Variants in IL1RAPL1 observed in about 807,000 individuals in gnomAD.
The protein encoded by IL1RAPL1 is interleukin 1 receptor accessory protein like 1, also known as interleukin-1 receptor accessory protein-like 1.
IL1RAPL1 carries 3 observed loss-of-function variants against 48.4 expected under a neutral mutation model. That is an observed-to-expected ratio of 0.06 (90% CI 0.03 to 0.16). The LOEUF is 0.16. Ranked by LOEUF, IL1RAPL1 falls within the 10% of genes least tolerant of loss-of-function variation. The pLI is 1.00. For synonymous variants in IL1RAPL1, 185 were observed against 187.7 expected (o/e 0.99, Z 0.12); for missense variants, 349 against 530.6 (o/e 0.66, Z 3.36).
chrX:29,562,700 G>A (rs928822125), intron 5 of IL1RAPL1, among the ~76,000 whole-genome samples: 52 of 111,870 alleles, frequency 4.6e-4, no homozygotes, highest in African/African-American at 1.4e-3. Flanking sequence ...GCAAATTAGA[G>A]AGTTAAATTG....
At position 29,816,531 on chromosome X, in the gene IL1RAPL1, C is replaced by CA. The variant is rs1279566795; in HGVS notation, c.779-100922dup. ...GCTACCATTTCTACTGAAACTATTCCAAAAAAAAAAATTGAGGAGTAGGGA... is the reference window on the plus strand; with the variant it reads ...GCTACCATTTCTACTGAAACTATTCCAAAAAAAAAAAATTGAGGAGTAGGGA... On this transcript the variant is annotated intron_variant, in intron 6 of 10. Coordinates refer to ENST00000378993, the MANE Select transcript of IL1RAPL1 (RefSeq NM_014271.4). Among the ~76,000 whole-genome samples the CA allele has an allele frequency of 2.0e-3, 202 of 103,155 alleles. 2 individuals are homozygous for CA. Among genetic ancestry groups the CA allele is most frequent in the Non-Finnish European group, 3.0e-3 (149 of 49,903 alleles). 89.6% of individuals were successfully genotyped at this position (103,155 alleles called of 115,157 possible).
chrX:29,754,915 C>G (rs1928575912), intron 6 of IL1RAPL1, among the ~76,000 whole-genome samples: 1 of 112,590 alleles, frequency 8.9e-6, no homozygotes, highest in Non-Finnish European at 1.9e-5. Flanking sequence ...CATGCTGGGT[C>G]CTTTGCTTCA....
chrX:29,117,481 G>A (rs1348284479), intron 2 of IL1RAPL1, among the ~76,000 whole-genome samples: 2 of 112,339 alleles, frequency 1.8e-5, no homozygotes, highest in East Asian at 5.6e-4. Flanking sequence ...GAATTCTACA[G>A]ATAAAGCACA....
chrX:28,781,737 A>T (rs760413868), intron 1 of IL1RAPL1, among the ~76,000 whole-genome samples: 2 of 110,962 alleles, frequency 1.8e-5, no homozygotes, highest in Non-Finnish European at 3.8e-5. Flanking sequence ...AATTTTTACC[A>T]CTTACAGATG....
Position 29,668,455 on chromosome X carries a change from G to A in IL1RAPL1, c.729G>A (p.Lys243=). The A allele has an allele frequency of 5.8e-6, 7 of 1,209,751 alleles. No individual in the cohort carries two copies. The highest frequency in any genetic ancestry group is 6.7e-6 in the Non-Finnish European group (6 of 893,743). The change falls in exon 6 of 11, where the codon AAG becomes AAA. Residue 243 remains lysine (K), a synonymous_variant. Transcript: ENST00000378993. ...CCCCTCTGACTGATAAGCCACCCAAGCTTTTGTATCCTATGGAAAGTAAAC... is the reference window on the plus strand; with the variant it reads ...CCCCTCTGACTGATAAGCCACCCAAACTTTTGTATCCTATGGAAAGTAAAC... The part of the protein sequence containing the change: ...VTAPLTDKPP[K]LLYPMESKLT...
chrX:29,295,204 A>C (rs1932431705), intron 3 of IL1RAPL1, among the ~76,000 whole-genome samples: 1 of 112,045 alleles, frequency 8.9e-6, no homozygotes, highest in Admixed American at 9.4e-5. Flanking sequence ...ATGGGAAATA[A>C]GTAAAAGAGA....
chrX:29,451,655 C>CAT (rs773487169), intron 5 of IL1RAPL1, among the ~76,000 whole-genome samples: 4 of 111,114 alleles, frequency 3.6e-5, no homozygotes, highest in African/African-American at 1.3e-4. Context: ...CATGTATATG[C>CAT]ATATATATAT....
chrX:28,754,365 C>G (rs989171839), intron 1 of IL1RAPL1, among the ~76,000 whole-genome samples: 3 of 112,442 alleles, frequency 2.7e-5, no homozygotes, highest in African/African-American at 9.7e-5. Flanking sequence ...TTTTAACTTG[C>G]TCCTTTACCA....
At chrX:29,268,610 C>A (rs752696171) in intron 2 of IL1RAPL1, among the ~76,000 whole-genome samples, 1 of 112,227 alleles carries the variant, frequency 8.9e-6, no homozygotes, top group Non-Finnish European at 1.9e-5. Flanking sequence ...TTGAAAATAT[C>A]TATGAATACT....
In IL1RAPL1 at chrX:29,023,911, T is replaced by C. The variant is rs111825263; in HGVS notation, c.82+234486T>C. Among the ~76,000 whole-genome samples the C allele has an allele frequency of 5.2e-3, 588 of 112,002 alleles. 3 individuals are homozygous for C. The highest frequency in any genetic ancestry group is 0.018 in the African/African-American group (567 of 30,891). On this transcript the variant is annotated intron_variant, in intron 2 of 10. Coordinates refer to ENST00000378993, the MANE Select transcript of IL1RAPL1 (RefSeq NM_014271.4). ...GGCAATATACCTTGTTTATCTAGCA[T>C]AGTTACCCTCAATGAATTAGCAAAT...
Position 29,195,177 on chromosome X carries a change from A to G in IL1RAPL1, c.83-87761A>G, listed in dbSNP as rs778618280. ...CACAGATATTTACTGAGTACTCTGTATGTACATGGTTTCTAGGTGCTGGGG... is the reference window on the plus strand; with the variant it reads ...CACAGATATTTACTGAGTACTCTGTGTGTACATGGTTTCTAGGTGCTGGGG... On this transcript the variant is annotated intron_variant, in intron 2 of 10. Transcript: ENST00000378993. 2.7e-5 allele frequency among the ~76,000 whole-genome samples: 3 copies of G among 112,111 alleles called. No individual in the cohort carries two copies. The South Asian group carries it at 1.1e-3, about 41-fold the overall frequency.
intron 6 of IL1RAPL1, among the ~76,000 whole-genome samples, chrX:29,803,293 A>G (rs1306965134): frequency 2.8e-5 from 1 of 35,355 alleles, no homozygotes; most frequent in African/African-American, 1.2e-4. Flanking sequence ...ACATGTATAT[A>G]TGTATACATA....
intron 6 of IL1RAPL1, among the ~76,000 whole-genome samples, chrX:29,685,330 CCA>C (rs1926584348): frequency 9.1e-6 from 1 of 110,155 alleles, no homozygotes; most frequent in Non-Finnish European, 1.9e-5. Flanking sequence ...TGGTGAAACC[CCA>C]TCTTGACTAA....
intron 3 of IL1RAPL1, among the ~76,000 whole-genome samples, chrX:29,287,711 G>A (rs1261855802): frequency 1.8e-5 from 2 of 112,128 alleles, no homozygotes; most frequent in Non-Finnish European, 3.8e-5. Context: ...CTTCTTGTCA[G>A]TAAAATGTCC....
intron 3 of IL1RAPL1, among the ~76,000 whole-genome samples, chrX:29,362,861 A>G (rs1933395360): frequency 8.9e-6 from 1 of 112,420 alleles, no homozygotes; most frequent in Admixed American, 9.4e-5. Flanking sequence ...ATTTGTTTAA[A>G]TTAATCCCTC....
At chrX:29,492,169 A>T (rs1250207749) in intron 5 of IL1RAPL1, among the ~76,000 whole-genome samples, 2 of 112,549 alleles carry the variant, frequency 1.8e-5, no homozygotes, top group Non-Finnish European at 3.8e-5. Flanking sequence ...TCTTGTAAGC[A>T]TAAGTGAAAT....
intron 5 of IL1RAPL1, among the ~76,000 whole-genome samples, chrX:29,615,427 G>A (rs745857730): frequency 4.1e-4 from 45 of 109,997 alleles, no homozygotes; most frequent in African/African-American, 1.5e-3. Context: ...GAGGGGAGGC[G>A]AGGAGAGGGG....
chrX:29,463,904 G>A (rs1360116957), intron 5 of IL1RAPL1, among the ~76,000 whole-genome samples: 2 of 111,173 alleles, frequency 1.8e-5, no homozygotes, highest in Middle Eastern at 4.6e-3. Context: ...AATTTCAGCC[G>A]ACACTACCGA....
intron 1 of IL1RAPL1, among the ~76,000 whole-genome samples, chrX:28,619,671 T>A (rs1345108663): frequency 9.4e-6 from 1 of 106,582 alleles, no homozygotes; most frequent in African/African-American, 3.4e-5. Context: ...CAAATACCAA[T>A]GGTTGAGTGT....
Sources: gnomAD v4.1 joint callset for allele counts (sites outside exome capture counted in the v4.1 genomes callset) on GRCh38, gnomAD v4.1.1 for gene constraint, MANE v1.5 for transcripts, NCBI Gene and HGNC (gene_info 2026-07-23, HGNC 2026-07-21) for gene names.